Variants in RIN3 observed in about 807,000 individuals in gnomAD.
RIN3 encodes RAB5 interacting protein 3.
RIN3 carries 54 observed loss-of-function variants against 76.3 expected under a neutral mutation model. The observed-to-expected ratio is 0.71, with a 90% CI of 0.57 to 0.89. The LOEUF (loss-of-function observed/expected upper bound fraction) is 0.89. Among genes scored for constraint, RIN3 ranks in the 40% least tolerant of loss-of-function variants. RIN3 has a pLI of 0.00. For missense variants in RIN3, 1,256 were observed against 1,322.1 expected, an observed-to-expected ratio of 0.95 and a Z score of 0.78; for synonymous variants, 576 against 564.0, an observed-to-expected ratio of 1.02 and a Z score of -0.30.
rs115506060 is a variant in RIN3 at position 92,596,310 on chromosome 14, G to C, written c.367+18833G>C. On this transcript the variant is annotated intron_variant, in intron 3 of 9. Coordinates refer to ENST00000216487, the MANE Select transcript of RIN3 (RefSeq NM_024832.5). The stretch of plus-strand genomic sequence containing the variant: ...CAGCCCCAGTTATTGGGGAGTTGCT[G>C]TCTACCAGGTACCATGTGGGTATTC... Among the ~76,000 whole-genome samples the C allele has an allele frequency of 7.7e-3, 1,175 of 152,322 alleles. 15 individuals carry two copies. The highest frequency in any genetic ancestry group is 0.027 in the African/African-American group (1,122 of 41,572).
intron 3 of RIN3, among the ~76,000 whole-genome samples, chr14:92,585,082 C>G (rs933996502): frequency 1.3e-5 from 2 of 152,132 alleles, no homozygotes; most frequent in African/African-American, 4.8e-5. Flanking sequence ...TCATAGCTCA[C>G]TGCAACCGCA....
intron 2 of RIN3, among the ~76,000 whole-genome samples, chr14:92,560,495 T>C (rs1897732410): frequency 6.6e-6 from 1 of 152,198 alleles, no homozygotes. Flanking sequence ...AGAGTTGCTA[T>C]ATGCATGATC....
intron 1 of RIN3, among the ~76,000 whole-genome samples, chr14:92,518,228 C>T (rs1429009547): frequency 5.9e-5 from 9 of 152,252 alleles, no homozygotes; most frequent in Non-Finnish European, 1.5e-5. Flanking sequence ...ATCATGACTT[C>T]CTACTTCAGT....
intron 6 of RIN3, among the ~76,000 whole-genome samples, chr14:92,657,261 G>A (rs1036318904): frequency 3.9e-5 from 6 of 152,104 alleles, no homozygotes; most frequent in South Asian, 2.1e-4. Context: ...TCAGGAGGCT[G>A]AGGCAGGAGA....
intron 3 of RIN3, among the ~76,000 whole-genome samples, chr14:92,612,632 G>C (rs1006377099): frequency 2.0e-5 from 3 of 152,250 alleles, no homozygotes; most frequent in African/African-American, 4.8e-5. Context: ...CCAGCATGCA[G>C]GGTCTCCCCG....
chr14:92,570,036 A>T (rs1371162624), intron 2 of RIN3, among the ~76,000 whole-genome samples: 1 of 152,192 alleles, frequency 6.6e-6, no homozygotes, highest in African/African-American at 2.4e-5. Flanking sequence ...CATCCCTGAT[A>T]CCTAAAGATG....
chr14:92,525,916 G>C (rs572164215), intron 1 of RIN3, among the ~76,000 whole-genome samples: 52 of 152,258 alleles, frequency 3.4e-4, no homozygotes, highest in African/African-American at 1.2e-3. Context: ...TGGCTGAAGG[G>C]CATCCTGCTC....
rs2104240 is a variant in RIN3, at chr14:92,568,869, T to C, written c.250-8491T>C. ...TGGCAGAGTCCAACCTTGGGGACTT[T>C]CCAGCCCTGTCGACAAGCTGTGTAG... On this transcript the variant is annotated intron_variant, in intron 2 of 9. Transcript: ENST00000216487. The surrounding 1 kb of genome is among the most constrained non-coding windows in gnomAD (Gnocchi z 4.2). Among the ~76,000 whole-genome samples, 8,432 of 152,314 alleles carry C rather than the reference T, an allele frequency of 0.055. 316 individuals carry two copies. The highest frequency in any genetic ancestry group is 0.1 in the Admixed American group (1,566 of 15,306).
chr14:92,626,771 T>C (rs527664598), intron 4 of RIN3, among the ~76,000 whole-genome samples: 1 of 151,564 alleles, frequency 6.6e-6, no homozygotes, highest in South Asian at 2.1e-4. Flanking sequence ...TGGGGAAAGG[T>C]GGTTTAGAGG....
chr14:92,554,734 A>T (rs1034616076), intron 1 of RIN3, among the ~76,000 whole-genome samples: 1 of 152,186 alleles, frequency 6.6e-6, no homozygotes, highest in Admixed American at 6.5e-5. Flanking sequence ...CAGTCTGGCT[A>T]ACATGGTGAA....
chr14:92,549,001 AG>A (rs1183126155), intron 1 of RIN3, among the ~76,000 whole-genome samples: 1 of 148,736 alleles, frequency 6.7e-6, no homozygotes, highest in Non-Finnish European at 1.5e-5. Context: ...TGGCATCACC[AG>A]GGCTCCCTCC....
At position 92,665,572 on chromosome 14, in the gene RIN3, G is replaced by A. The variant is rs911413082; in HGVS notation, c.2335+6103G>A. ...TTTTTTTCGTATTTTTAGTAGAGAT[G>A]GGGTTTCACCATGTTAGCCAGGATG... On this transcript the variant is annotated intron_variant, in intron 7 of 9. Transcript: ENST00000216487. 3.3e-5 allele frequency among the ~76,000 whole-genome samples: 5 copies of A among 151,546 alleles called. No homozygotes were observed. In the East Asian group the frequency reaches 5.8e-4, roughly 18 times the overall value.
chr14:92,585,734 G>T (rs1026948741), intron 3 of RIN3, among the ~76,000 whole-genome samples: 1 of 152,130 alleles, frequency 6.6e-6, no homozygotes, highest in African/African-American at 2.4e-5. Context: ...GGGCTCAAGC[G>T]ATCCTCCCCA....
At chr14:92,603,881 C>A (rs9788510) in intron 3 of RIN3, among the ~76,000 whole-genome samples, 6,477 of 152,304 alleles carry the variant, frequency 0.043, 283 homozygotes, top group East Asian at 0.19. Flanking sequence ...CCAAAGAAAT[C>A]GCTATCTTCC....
intron 2 of RIN3, among the ~76,000 whole-genome samples, chr14:92,573,606 G>A (rs577479799): frequency 6.6e-6 from 1 of 152,208 alleles, no homozygotes; most frequent in Admixed American, 6.5e-5. Flanking sequence ...ACTCAGGTAA[G>A]ATCAAAAGGG....
intron 1 of RIN3, among the ~76,000 whole-genome samples, chr14:92,549,398 C>T (rs10131571): frequency 0.28 from 42,537 of 152,094 alleles, 6,543 homozygotes; most frequent in Middle Eastern, 0.39. Context: ...AAGCCGGAAC[C>T]CTGTGAAGCT....
chr14:92,638,147 C>T (rs564676780), intron 4 of RIN3, among the ~76,000 whole-genome samples: 4 of 152,290 alleles, frequency 2.6e-5, no homozygotes, highest in African/African-American at 7.2e-5. Context: ...ACGCATGAGA[C>T]CCTTGCACCC....
At chr14:92,687,778 G>A (rs1888918552) in intron 9 of RIN3, 148 bp from the exon 10 acceptor site, 2 of 684,540 alleles carry the variant, frequency 2.9e-6, no homozygotes, top group Admixed American at 3.7e-5. Context: ...GCAGGCTCGC[G>A]GCAGAGACGG....
chr14:92,602,440 C>T (rs1444696548), intron 3 of RIN3, among the ~76,000 whole-genome samples: 3 of 152,206 alleles, frequency 2.0e-5, no homozygotes, highest in East Asian at 3.9e-4. Flanking sequence ...CACCTCCTCT[C>T]TCAACAAAAG....
Sources: allele counts gnomAD v4.1 joint callset (sites outside exome capture counted in the v4.1 genomes callset), GRCh38; gene constraint gnomAD v4.1.1; non-coding constraint Gnocchi (gnomAD v3.1); transcripts MANE v1.5; gene names NCBI Gene and HGNC (gene_info 2026-07-23, HGNC 2026-07-21).